IPO11: variants seen among roughly 807,000 people sequenced by gnomAD.
IPO11 encodes importin 11.
IPO11 carries 66 observed loss-of-function variants against 143.2 expected under a neutral mutation model. The observed-to-expected ratio is 0.46, with a 90% confidence interval of 0.38 to 0.57. IPO11 has a LOEUF of 0.57. Ranked by LOEUF, IPO11 falls within the 20% of genes least tolerant of loss-of-function variation. The pLI is 0.00. For synonymous variants in IPO11, 385 were observed against 377.8 expected, an observed-to-expected ratio of 1.02 and a Z score of -0.22; for missense variants, 1,026 against 1,141.0, an observed-to-expected ratio of 0.90 and a Z score of 1.45.
chr5:62,480,905 C>CTTTTTT (rs1561328227), intron 9 of IPO11, among the ~76,000 whole-genome samples: 1 of 109,066 alleles, frequency 9.2e-6, no homozygotes, highest in Non-Finnish European at 1.8e-5. Context: ...CTTCCTCTTT[C>CTTTTTT]ATTTTTTTTT....
At chr5:62,575,258 C>T (rs924558742) in intron 27 of IPO11, among the ~76,000 whole-genome samples, 2 of 152,070 alleles carry the variant, frequency 1.3e-5, no homozygotes, top group Non-Finnish European at 2.9e-5. Context: ...TGACCTTTAC[C>T]CAGAATCACC....
At chr5:62,424,006 G>T (rs572686671) in intron 1 of IPO11, among the ~76,000 whole-genome samples, 1 of 152,088 alleles carries the variant, frequency 6.6e-6, no homozygotes, top group South Asian at 2.1e-4. Context: ...TCTCTTTGTA[G>T]ACTTGGGCTA....
intron 21 of IPO11, among the ~76,000 whole-genome samples, chr5:62,527,246 G>A (rs1742398157): frequency 6.6e-6 from 1 of 152,172 alleles, no homozygotes; most frequent in Non-Finnish European, 1.5e-5. Flanking sequence ...TTTGTATAAG[G>A]ATGGATTACT....
rs1491250089 is a variant in IPO11 at position 62,598,383 on chromosome 5, G to GCTTTCTTTCTTT, written c.2679-3378_2679-3377insTCTTTCTTTCTT. 5.1e-3 allele frequency among the ~76,000 whole-genome samples: 139 copies of GCTTTCTTTCTTT among 27,346 alleles called. 15 individuals are homozygous for GCTTTCTTTCTTT. Among genetic ancestry groups the GCTTTCTTTCTTT allele is most frequent in the Middle Eastern group, 0.04 (2 of 50 alleles). 17.9% of individuals were successfully genotyped at this position (27,346 alleles called of 152,430 possible). On this transcript the variant is annotated intron_variant, in intron 28 of 29. Coordinates refer to ENST00000325324, the MANE Select transcript of IPO11 (RefSeq NM_016338.5). ...GAAACGACCCATAAATTGTTTGCTT[G>GCTTTCTTTCTTT]CTTGCTTGCTTTCTTTCTTTCTTTC...
chr5:62,515,184 TTATTTAAAAA>T (rs1421791466), intron 19 of IPO11, among the ~76,000 whole-genome samples, 194 bp from the exon 20 acceptor site: 1 of 152,226 alleles, frequency 6.6e-6, no homozygotes, highest in Non-Finnish European at 1.5e-5. Flanking sequence ...TTGTTTAAAA[TTATTTAAAAA>T]TATTTACTAT....
At position 62,627,450 on chromosome 5, in the gene IPO11, T is replaced by C. The variant is rs1008087126; in HGVS notation, c.*132T>C. 7 of 788,438 alleles carry C rather than the reference T, an allele frequency of 8.9e-6. 1 individual carries two copies. Among genetic ancestry groups the C allele is most frequent in the Non-Finnish European group, 4.0e-6 (2 of 504,116 alleles). 48.8% of individuals were successfully genotyped at this position (788,438 alleles called of 1,614,324 possible). A position where few individuals can be genotyped will look rare whatever the true frequency, so the allele number is the denominator to read the frequency against. On this transcript the variant is annotated 3_prime_UTR_variant, in exon 30 of 30. Transcript: ENST00000325324. ...TAAGCAAAGACCACACATTTTTTAC[T>C]ACAAAATGTAAAGGATAAATGTAAA...
intron 16 of IPO11, among the ~76,000 whole-genome samples, chr5:62,501,630 A>G (rs1473712989): frequency 1.3e-5 from 2 of 152,216 alleles, no homozygotes; most frequent in African/African-American, 4.8e-5. Context: ...ACTTATTCAT[A>G]TAACATTTCA....
intron 26 of IPO11, among the ~76,000 whole-genome samples, chr5:62,556,342 T>C (rs1312080074): frequency 6.6e-6 from 1 of 152,076 alleles, no homozygotes; most frequent in Admixed American, 6.6e-5. Flanking sequence ...AGTAAATAAA[T>C]AAAAATAAAT....
rs752379380 is a variant in IPO11, at chr5:62,628,074, C to T, written c.*756C>T. 6.6e-6 allele frequency: 1 copy of T among 152,012 alleles called. No individual in the cohort carries two copies. The highest frequency in any genetic ancestry group is 1.5e-5 in the Non-Finnish European group (1 of 68,036). The allele number at this position is 152,012 out of a possible 1,614,324, so 9.4% of individuals were successfully genotyped here. A position where few individuals can be genotyped will look rare whatever the true frequency, so the allele number is the denominator to read the frequency against. On this transcript the variant is annotated 3_prime_UTR_variant, in exon 30 of 30. Transcript: ENST00000325324. ...TGGTTTAGTCCTAGTTCCTTTGTTACTCCTGTGAGCACCGAGAAGAACTGG... is the reference window on the plus strand; with the variant it reads ...TGGTTTAGTCCTAGTTCCTTTGTTATTCCTGTGAGCACCGAGAAGAACTGG...
chr5:62,487,630 A>C lies in IPO11; in HGVS notation c.1219-141A>C, dbSNP rs991145247. 61 of 571,834 alleles carry C rather than the reference A, an allele frequency of 1.1e-4. 1 individual carries two copies. The highest frequency in any genetic ancestry group is 1.4e-4 in the Non-Finnish European group (58 of 421,948). 35.4% of individuals were successfully genotyped at this position (571,834 alleles called of 1,614,324 possible). A position where few individuals can be genotyped will look rare whatever the true frequency, so the allele number is the denominator to read the frequency against. On this transcript the variant is annotated intron_variant, in intron 12 of 29. Coordinates refer to ENST00000325324, the MANE Select transcript of IPO11 (RefSeq NM_016338.5). ...TTGGTTATAAAAAAATGGTAACCTT[A>C]CTTTTTTTTTTTAACAAATCAAAAG...
chr5:62,528,532 TA>T (rs1742440771), intron 21 of IPO11, among the ~76,000 whole-genome samples: 1 of 151,932 alleles, frequency 6.6e-6, no homozygotes, highest in Non-Finnish European at 1.5e-5. Context: ...GAGAGTGGGA[TA>T]AATGAAGGAG....
In IPO11 at chr5:62,467,374, G is replaced by A. The variant is rs1483710176; in HGVS notation, c.649+111G>A. On this transcript the variant is annotated intron_variant, in intron 6 of 29. Coordinates refer to ENST00000325324, the MANE Select transcript of IPO11 (RefSeq NM_016338.5). ...CCCAGTTTCACTGGAAAAATAAGAGGTTTATTTCTCCCTGAAAGATAAGGG... is the reference window on the plus strand; with the variant it reads ...CCCAGTTTCACTGGAAAAATAAGAGATTTATTTCTCCCTGAAAGATAAGGG... The A allele has an allele frequency of 5.3e-6, 6 of 1,132,970 alleles. No homozygotes were observed. The African/African-American group carries it at 9.4e-5, about 18-fold the overall frequency. The allele number at this position is 1,132,970 out of a possible 1,614,324, so 70.2% of individuals were successfully genotyped here.
intron 29 of IPO11, among the ~76,000 whole-genome samples, chr5:62,620,945 T>G (rs972188998): frequency 6.6e-6 from 1 of 152,250 alleles, no homozygotes; most frequent in Non-Finnish European, 1.5e-5. Context: ...CAATCGAGAC[T>G]TATTGAAATG....
chr5:62,483,277 A>T lies in IPO11; in HGVS notation c.1005A>T (p.Pro335=). 1 of 1,562,894 alleles carries T rather than the reference A, an allele frequency of 6.4e-7. No homozygotes were observed. The highest frequency in any genetic ancestry group is 8.7e-7 in the Non-Finnish European group (1 of 1,155,064). Reference sequence around the variant, plus strand: ...TTGTCAAAAATTATGCTTATAAGCCATCCAAAAATTTTGAAGGTAATTCCT... The same window carrying T: ...TTGTCAAAAATTATGCTTATAAGCCTTCCAAAAATTTTGAAGGTAATTCCT... ...KMIVKNYAYK[P]SKNFEDSSPE... Residue 335 remains proline (P), a synonymous_variant, in exon 10 of 30, where the codon CCA becomes CCT. Transcript: ENST00000325324.
chr5:62,502,371 T>G (rs1031054130), intron 16 of IPO11, among the ~76,000 whole-genome samples: 17 of 152,242 alleles, frequency 1.1e-4, no homozygotes, highest in Non-Finnish European at 2.4e-4. Context: ...CCCCATTGCT[T>G]GAGTTGCTGC....
chr5:62,490,023 T>G, intron 14 of IPO11, 92 bp from the exon 15 acceptor site: 1 of 584,000 alleles, frequency 1.7e-6, no homozygotes, highest in Non-Finnish European at 2.9e-6. Flanking sequence ...TAGCATATTG[T>G]GTGTTTCCTT....
intron 22 of IPO11, among the ~76,000 whole-genome samples, chr5:62,535,574 A>G (rs1350625961): frequency 1.3e-5 from 2 of 152,166 alleles, no homozygotes; most frequent in African/African-American, 4.8e-5. Context: ...ATTAGTAACT[A>G]GTAATAAGTT....
chr5:62,627,111 GT>G (rs1320133647), intron 29 of IPO11, 42 bp from the exon 30 acceptor site: 2 of 1,550,194 alleles, frequency 1.3e-6, no homozygotes, highest in Non-Finnish European at 8.8e-7. Flanking sequence ...GGAGAGACTT[GT>G]TTTGCTTTTT....
In IPO11 at chr5:62,575,333, G is replaced by A. The variant is rs149758751; in HGVS notation, c.2582+14076G>A. On this transcript the variant is annotated intron_variant, in intron 27 of 29. Coordinates refer to ENST00000325324, the MANE Select transcript of IPO11 (RefSeq NM_016338.5). Reference sequence around the variant, plus strand: ...TTTTCTGTCAGATAACTAGATAGATGTTTTATATTCTGAACCATTTCTGTG... The same window carrying A: ...TTTTCTGTCAGATAACTAGATAGATATTTTATATTCTGAACCATTTCTGTG... Among the ~76,000 whole-genome samples, 241 of 152,236 alleles carry A rather than the reference G, an allele frequency of 1.6e-3. 3 individuals are homozygous for A. Among genetic ancestry groups the A allele is most frequent in the Non-Finnish European group, 1.3e-4 (9 of 68,004 alleles).
Sources: allele counts gnomAD v4.1 joint callset (sites outside exome capture counted in the v4.1 genomes callset), GRCh38; gene constraint gnomAD v4.1.1; transcripts MANE v1.5; gene names NCBI Gene and HGNC (gene_info 2026-07-23, HGNC 2026-07-21).